The following FARP2 variants were observed in gnomAD, a reference collection of about 807,000 sequenced individuals.
The protein encoded by FARP2 is FERM, ARH/RhoGEF and pleckstrin domain protein 2.
In FARP2, 111 loss-of-function variants were observed where a neutral mutation model predicts 130.5. The ratio of observed to expected loss-of-function variants is 0.85; its 90% CI spans 0.73 to 1.00. FARP2 has a LOEUF of 1.00. Ranked by LOEUF, FARP2 falls within the 50% of genes least tolerant of loss-of-function variation. The pLI, the probability that FARP2 is intolerant of heterozygous loss-of-function variation, is 0.00. For synonymous variants in FARP2, 504 were observed against 516.9 expected, an observed-to-expected ratio of 0.98 and a Z score of 0.34; for missense variants, 1,385 against 1,346.3, an observed-to-expected ratio of 1.03 and a Z score of -0.45.
chr2:241,464,698 C>A (rs183646020), intron 17 of FARP2, among the ~76,000 whole-genome samples: 10 of 152,150 alleles, frequency 6.6e-5, no homozygotes, highest in East Asian at 1.9e-4. Context: ...AGCAGCAGCC[C>A]CCTCAGAACA....
chr2:241,364,470 C>T (rs1172177621), intron 1 of FARP2, among the ~76,000 whole-genome samples: 1 of 152,182 alleles, frequency 6.6e-6, no homozygotes, highest in African/African-American at 2.4e-5. Context: ...AACCCGTAGA[C>T]ACTGTGAGAT....
intron 22 of FARP2, 29 bp from the exon 23 acceptor site, chr2:241,491,032 G>C: frequency 6.5e-7 from 1 of 1,544,348 alleles, no homozygotes; most frequent in South Asian, 1.1e-5. Context: ...GAAGAGCAGA[G>C]CCACTGAGCC....
chr2:241,425,248 A>G (rs185245130), intron 8 of FARP2, among the ~76,000 whole-genome samples: 19 of 152,304 alleles, frequency 1.2e-4, no homozygotes, highest in Non-Finnish European at 2.1e-4. Context: ...AATCTAGGCA[A>G]TGCCATTCAG....
chr2:241,426,691 T>C (rs997706236), intron 8 of FARP2, among the ~76,000 whole-genome samples: 4 of 152,206 alleles, frequency 2.6e-5, no homozygotes, highest in Admixed American at 2.0e-4. Flanking sequence ...TCCAGTCGTG[T>C]AGTCTATATG....
At chr2:241,421,263 G>A (rs1157899297) in intron 8 of FARP2, among the ~76,000 whole-genome samples, 4 of 152,208 alleles carry the variant, frequency 2.6e-5, no homozygotes, top group Admixed American at 6.5e-5. Flanking sequence ...AGCCACTGAG[G>A]CACACACAGA....
chr2:241,407,730 T>A, intron 5 of FARP2, 115 bp downstream of exon 5: 1 of 762,684 alleles, frequency 1.3e-6, no homozygotes, highest in South Asian at 1.7e-5. Flanking sequence ...CACAGAAAAG[T>A]GACCATGAGT....
At chr2:241,401,731 T>A (rs1292599699) in intron 2 of FARP2, among the ~76,000 whole-genome samples, 1 of 152,184 alleles carries the variant, frequency 6.6e-6, no homozygotes, top group Non-Finnish European at 1.5e-5. Context: ...AGTTCTGTGT[T>A]CTTTTTAAGG....
chr2:241,442,096 G>C (rs775335782), intron 13 of FARP2: 12 of 390,676 alleles, frequency 3.1e-5, no homozygotes, highest in Non-Finnish European at 5.7e-5. Context: ...GAAGGCGCAG[G>C]CCAGCCGGAT....
intron 13 of FARP2, among the ~76,000 whole-genome samples, chr2:241,454,374 G>A (rs2063776645): frequency 6.6e-6 from 1 of 152,184 alleles, no homozygotes; most frequent in Non-Finnish European, 1.5e-5. Flanking sequence ...GAAGCAATGA[G>A]TGGGAGACAT....
chr2:241,466,497 G>A (rs2064172493), intron 17 of FARP2: 15 of 985,314 alleles, frequency 1.5e-5, no homozygotes, highest in Non-Finnish European at 1.7e-5. Context: ...CCCTTGGCCC[G>A]GCCCTGCCAC....
At chr2:241,491,027 G>A (rs373708540) in intron 22 of FARP2, 34 bp from the exon 23 acceptor site, 14 of 1,528,932 alleles carry the variant, frequency 9.2e-6, no homozygotes, top group Non-Finnish European at 1.3e-5. Flanking sequence ...ACAAGGAAGA[G>A]CAGAGCCACT....
chr2:241,468,507 CAGTGGTCAGCATT>C (rs2064232762), intron 18 of FARP2, 130 bp downstream of exon 18: 1 of 687,898 alleles, frequency 1.5e-6, no homozygotes. Flanking sequence ...GCCTGGACCA[CAGTGGTCAGCATT>C]GGCCCTGGCC....
intron 8 of FARP2, among the ~76,000 whole-genome samples, chr2:241,428,528 G>A (rs568780065): frequency 6.6e-6 from 1 of 151,988 alleles, no homozygotes; most frequent in Non-Finnish European, 1.5e-5. Context: ...AAATTAGAAC[G>A]ACTTAGTGTT....
intron 8 of FARP2, among the ~76,000 whole-genome samples, chr2:241,420,823 C>T (rs2062787792): frequency 6.6e-6 from 1 of 152,160 alleles, no homozygotes; most frequent in Admixed American, 6.5e-5. Flanking sequence ...CTCCATCATC[C>T]ACAGAGTTAT....
rs1325997926 is a variant in FARP2 at position 241,466,507 on chromosome 2, C to T, written c.1894-1633C>T. 3 of 985,342 alleles carry T rather than the reference C, an allele frequency of 3.0e-6. No individual in the cohort carries two copies. In the East Asian group the frequency reaches 3.4e-4, roughly 112 times the overall value. The allele number at this position is 985,342 out of a possible 1,614,324, so 61.0% of individuals were successfully genotyped here. ...CCTGTCCCTTGGCCCGGCCCTGCCA[C>T]AGAGAGGGACCCCAGCCCATCATGG... On this transcript the variant is annotated intron_variant, in intron 17 of 26. Transcript: ENST00000264042.
intron 21 of FARP2, 97 bp downstream of exon 21, chr2:241,484,428 C>G: frequency 1.1e-6 from 1 of 934,220 alleles, no homozygotes. Context: ...CCCAGCAACA[C>G]TGAGAGCAGC....
chr2:241,455,803 G>A lies in FARP2; in HGVS notation c.1412-944G>A, dbSNP rs1346460028. 4.5e-5 allele frequency among the ~76,000 whole-genome samples: 6 copies of A among 133,466 alleles called. No individual in the cohort carries two copies. The East Asian group carries it at 9.1e-4, about 20-fold the overall frequency. 87.6% of individuals were successfully genotyped at this position (133,466 alleles called of 152,430 possible). A position where few individuals can be genotyped will look rare whatever the true frequency, so the allele number is the denominator to read the frequency against. On this transcript the variant is annotated intron_variant, in intron 13 of 26. Transcript: ENST00000264042. ...CATCCAGGCTGGAGTGCAGTGGTGC[G>A]ATCTCGGCTCACTGCAAGCTCTGCC...
intron 13 of FARP2, among the ~76,000 whole-genome samples, chr2:241,452,815 T>C (rs2051964): frequency 0.76 from 114,682 of 150,660 alleles, 43,820 homozygotes; most frequent in Middle Eastern, 0.85. Context: ...GTGGCGGGCA[T>C]GTGTAGTCCC....
At chr2:241,435,952 G>A (rs183869616) in intron 11 of FARP2, among the ~76,000 whole-genome samples, 4 of 120,394 alleles carry the variant, frequency 3.3e-5, no homozygotes, top group South Asian at 5.2e-4. Flanking sequence ...TTGCTCTGTC[G>A]TCCAGGCTGG....
Sources: allele counts gnomAD v4.1 joint callset (sites outside exome capture counted in the v4.1 genomes callset), GRCh38; gene constraint gnomAD v4.1.1; transcripts MANE v1.5; gene names NCBI Gene and HGNC (gene_info 2026-07-23, HGNC 2026-07-21).